Variants in KCTD3 observed in about 807,000 individuals in gnomAD.
KCTD3 encodes the protein potassium channel tetramerization domain containing 3.
In KCTD3, 41 loss-of-function variants were observed where a neutral mutation model predicts 85.8. The observed-to-expected ratio is 0.48, with a 90% CI of 0.37 to 0.62. The LOEUF (loss-of-function observed/expected upper bound fraction) is 0.62. Among genes scored for constraint, KCTD3 ranks in the 20% least tolerant of loss-of-function variants. KCTD3 has a pLI of 0.00. For missense variants in KCTD3, 724 were observed against 989.9 expected (o/e 0.73, Z 3.60); for synonymous variants, 338 against 345.4 (o/e 0.98, Z 0.24).
chr1:215,607,990 T>A, intron 13 of KCTD3, 27 bp from the exon 14 acceptor site: 1 of 1,570,288 alleles, frequency 6.4e-7, no homozygotes, highest in South Asian at 1.2e-5. Flanking sequence ...TAATTTTGTA[T>A]TCTTTTGTGT....
intron 13 of KCTD3, 42 bp from the exon 14 acceptor site, chr1:215,607,974 TA>T: frequency 6.5e-7 from 1 of 1,542,540 alleles, no homozygotes; most frequent in Non-Finnish European, 8.8e-7. Context: ...AATGAGTTTT[TA>T]AAAGTAATTT....
chr1:215,620,006 A>T (rs1395649302), intron 17 of KCTD3, 51 bp from the exon 18 acceptor site: 1 of 1,366,008 alleles, frequency 7.3e-7, no homozygotes, highest in African/African-American at 1.5e-5. Flanking sequence ...TATGTTCCTG[A>T]GAAATCACAG....
Position 215,567,569 on chromosome 1 carries a change from C to T in KCTD3, c.-117C>T. On this transcript the variant is annotated 5_prime_UTR_variant, in exon 1 of 18. Transcript: ENST00000259154. ...GGAAGCCCCGTGCACCCCCCGCCCT[C>T]CGGCCGCCGCCGCCCCGCTGGCCCT... is the stretch of plus-strand genomic sequence containing the variant. 1 of 480,676 alleles carries T rather than the reference C, an allele frequency of 2.1e-6. No homozygotes were observed. The highest frequency in any genetic ancestry group is 3.1e-6 in the Non-Finnish European group (1 of 323,138). 29.8% of individuals were successfully genotyped at this position (480,676 alleles called of 1,614,324 possible).
At chr1:215,598,376 C>G (rs1037394053) in intron 10 of KCTD3, among the ~76,000 whole-genome samples, 5 of 152,126 alleles carry the variant, frequency 3.3e-5, no homozygotes, top group African/African-American at 1.2e-4. Context: ...AGCACAAAGA[C>G]TTGCCTTTGT....
chr1:215,611,331 T>A (rs1655230187), intron 14 of KCTD3, among the ~76,000 whole-genome samples: 1 of 152,008 alleles, frequency 6.6e-6, no homozygotes, highest in Non-Finnish European at 1.5e-5. Flanking sequence ...TTAATTTGCA[T>A]CTTTAAAAAG....
At position 215,579,970 on chromosome 1, in the gene KCTD3, T is replaced by A; in HGVS notation, c.597T>A (p.Ala199=). The A allele has an allele frequency of 6.2e-7, 1 of 1,612,034 alleles. No individual in the cohort carries two copies. The highest frequency in any genetic ancestry group is 1.1e-5 in the South Asian group (1 of 91,046). The change falls in exon 8 of 18, where the codon GCT becomes GCA. Residue 199 remains alanine (A), a synonymous_variant. Coordinates refer to ENST00000259154, the MANE Select transcript of KCTD3 (RefSeq NM_016121.5). ...CTGGCCATCACAACTGGATTGTAGC[T>A]GCATATGCCCATTTTGCTGTGTGTT... ...IVAGHHNWIV[A]AYAHFAVCYR...
At chr1:215,583,843 A>T (rs1659915106) in intron 8 of KCTD3, among the ~76,000 whole-genome samples, 1 of 152,182 alleles carries the variant, frequency 6.6e-6, no homozygotes, top group Non-Finnish European at 1.5e-5. Flanking sequence ...GAGAACTCTG[A>T]TTTCTGACAA....
chr1:215,573,925 A>T (rs1659468383), intron 2 of KCTD3, 86 bp downstream of exon 2: 4 of 1,048,718 alleles, frequency 3.8e-6, no homozygotes, highest in Non-Finnish European at 5.6e-6. Flanking sequence ...TTTTTTTAAT[A>T]AAAAAGGTTA....
At chr1:215,595,308 C>A in intron 9 of KCTD3, 48 bp from the exon 10 acceptor site, 1 of 1,144,000 alleles carries the variant, frequency 8.7e-7, no homozygotes, top group Non-Finnish European at 1.3e-6. Flanking sequence ...TTGATTAATT[C>A]TAAAAATGGT....
At chr1:215,614,306 C>T (rs971823815) in intron 15 of KCTD3, among the ~76,000 whole-genome samples, 2 of 152,232 alleles carry the variant, frequency 1.3e-5, no homozygotes, top group South Asian at 2.1e-4. Flanking sequence ...GCTGGGATTA[C>T]AGGCGTGAGC....
intron 9 of KCTD3, among the ~76,000 whole-genome samples, chr1:215,589,068 C>T (rs749277581): frequency 2.0e-5 from 3 of 152,098 alleles, no homozygotes; most frequent in Non-Finnish European, 4.4e-5. Context: ...AGGTCTATAC[C>T]AAACAATTTC....
intron 8 of KCTD3, 91 bp from the exon 9 acceptor site, chr1:215,586,401 TTTG>T (rs1183451701): frequency 1.3e-5 from 14 of 1,074,148 alleles, no homozygotes; most frequent in Non-Finnish European, 1.7e-5. Context: ...TTTTTTGTTT[TTTG>T]TTGTTGTTTT....
intron 10 of KCTD3, among the ~76,000 whole-genome samples, chr1:215,599,818 C>T (rs906529201): frequency 1.3e-5 from 2 of 151,788 alleles, no homozygotes; most frequent in African/African-American, 4.8e-5. Flanking sequence ...AGAGCCCATC[C>T]TCCCAGAGAA....
At chr1:215,598,592 A>G (rs1654700337) in intron 10 of KCTD3, among the ~76,000 whole-genome samples, 1 of 152,204 alleles carries the variant, frequency 6.6e-6, no homozygotes, top group Non-Finnish European at 1.5e-5. Flanking sequence ...AAAATTTGCA[A>G]TCCCCAAATT....
chr1:215,613,282 G>A (rs1378370533), intron 15 of KCTD3, among the ~76,000 whole-genome samples: 2 of 152,184 alleles, frequency 1.3e-5, no homozygotes, highest in African/African-American at 4.8e-5. Flanking sequence ...GAGTGCTGTG[G>A]TGTGATCTCA....
rs1345199099 is a variant in KCTD3 at position 215,608,044 on chromosome 1, C to T, written c.1337C>T (p.Thr446Met). ...TGTGCAGATAATAATCATGTCCGGA[C>T]GTGGACAGTAACACGATTCAGAGGA... ...SVCADNNHVR[T>M]WTVTRFRGMI... The change falls in exon 14 of 18, where the codon ACG becomes ATG. Residue 446 changes from threonine to methionine, a missense_variant. Physicochemically the swap from Thr to Met is moderately conservative, Grantham distance 81 (BLOSUM62 -1). Around this residue, in one of 6 missense-constraint regions of KCTD3, gnomAD observed 146 missense variants for 320.3 expected, o/e 0.46. Transcript: ENST00000259154. 3 of 1,610,914 alleles carry T rather than the reference C, an allele frequency of 1.9e-6. No individual in the cohort carries two copies. Among genetic ancestry groups the T allele is most frequent in the South Asian group, 1.1e-5 (1 of 90,790 alleles).
intron 1 of KCTD3, 141 bp downstream of exon 1, chr1:215,567,909 C>T (rs1036628969): frequency 1.8e-4 from 88 of 499,476 alleles, no homozygotes; most frequent in Non-Finnish European, 2.4e-4. Flanking sequence ...CTCCAGGCGG[C>T]AAGAACGTCG....
intron 8 of KCTD3, among the ~76,000 whole-genome samples, chr1:215,582,285 TTC>T (rs1659852013): frequency 1.3e-5 from 2 of 152,216 alleles, no homozygotes; most frequent in African/African-American, 4.8e-5. Context: ...TGTTTTTCAG[TTC>T]TCTCATTTCC....
In KCTD3 at chr1:215,613,712, G is replaced by A. The variant is rs139316731; in HGVS notation, c.1562+1791G>A. ...GGAAGGGGTTGAGTTTGAATCTTCT[G>A]CAAATGGCTAGCCAGTAATCCCAGC... On this transcript the variant is annotated intron_variant, in intron 15 of 17. Transcript: ENST00000259154. Among the ~76,000 whole-genome samples, 1,137 of 152,198 alleles carry A rather than the reference G, an allele frequency of 7.5e-3. 41 individuals carry two copies. Among genetic ancestry groups the A allele is most frequent in the Admixed American group, 0.068 (1,034 of 15,274 alleles).
Sources: gnomAD v4.1 joint callset for allele counts (sites outside exome capture counted in the v4.1 genomes callset) on GRCh38, gnomAD v4.1.1 for gene constraint, gnomAD v4.1.1 regional missense constraint, MANE v1.5 for transcripts, NCBI Gene and HGNC (gene_info 2026-07-23, HGNC 2026-07-21) for gene names.